The following TTC34 variants were observed in gnomAD, a reference collection of about 807,000 sequenced individuals.
The protein encoded by TTC34 is tetratricopeptide repeat protein 34.
In TTC34, 44 loss-of-function variants were observed where a neutral mutation model predicts 40.7. The observed-to-expected ratio is 1.08, with a 90% confidence interval of 0.85 to 1.39. The LOEUF (loss-of-function observed/expected upper bound fraction) is 1.39, where lower values mean the gene tolerates loss of function less well. Among genes scored for constraint, TTC34 ranks in the 40% most tolerant of loss-of-function variants. The probability of loss-of-function intolerance (pLI) is 0.00; values close to 1 mark genes in which losing one functional copy is unlikely to be tolerated. For missense variants in TTC34, 884 were observed against 838.0 expected (o/e 1.05, Z -0.68); for synonymous variants, 422 against 398.6 (o/e 1.06, Z -0.70).
At chr1:2,688,619 G>A (rs370939632) in intron 6 of TTC34, among the ~76,000 whole-genome samples, 2 of 127,926 alleles carry the variant, frequency 1.6e-5, no homozygotes, top group South Asian at 2.5e-4. Context: ...ACCCCCAGGT[G>A]CGCATCTGAT....
At chr1:2,673,821 T>C (rs749144793) in intron 6 of TTC34, among the ~76,000 whole-genome samples, 2 of 28,502 alleles carry the variant, frequency 7.0e-5, no homozygotes, top group Non-Finnish European at 1.5e-4. Flanking sequence ...TCGGAGAGTC[T>C]GGAGCAGCAC....
intron 5 of TTC34, among the ~76,000 whole-genome samples, chr1:2,785,168 C>A (rs1244151542): frequency 6.6e-6 from 1 of 152,214 alleles, no homozygotes; most frequent in East Asian, 1.9e-4. Context: ...TCACTAAGTG[C>A]ATGGCCAGGT....
At chr1:2,749,719 G>A (rs1318989380) in intron 6 of TTC34, among the ~76,000 whole-genome samples, 1 of 17,566 alleles carries the variant, frequency 5.7e-5, no homozygotes, top group Non-Finnish European at 1.1e-4. Flanking sequence ...GGAACAGCAC[G>A]CACAACCCCA....
chr1:2,749,305 C>T lies in TTC34; in HGVS notation c.2226+34304G>A, dbSNP rs1194079599. On this transcript the variant is annotated intron_variant, in intron 6 of 8. Coordinates refer to ENST00000401095, the Ensembl canonical transcript of TTC34. ...AAACCACAGGTGAGCATCGGAGAGTCTGGAACAGAACCCACACCCACAGGT... is the reference window on the plus strand; with the variant it reads ...AAACCACAGGTGAGCATCGGAGAGTTTGGAACAGAACCCACACCCACAGGT... 5.2e-5 allele frequency among the ~76,000 whole-genome samples: 4 copies of T among 76,592 alleles called. 1 individual carries two copies. The highest frequency in any genetic ancestry group is 2.0e-4 in the African/African-American group (2 of 9,834). 50.2% of individuals were successfully genotyped at this position (76,592 alleles called of 152,430 possible).
intron 6 of TTC34, among the ~76,000 whole-genome samples, chr1:2,759,638 C>T (rs1641626349): frequency 1.3e-5 from 2 of 151,478 alleles, no homozygotes; most frequent in South Asian, 2.1e-4. Context: ...AGCACCCACA[C>T]CCCCAGGTGA....
At chr1:2,786,400 T>A (rs949133344) in intron 4 of TTC34, among the ~76,000 whole-genome samples, 1 of 152,160 alleles carries the variant, frequency 6.6e-6, no homozygotes, top group Non-Finnish European at 1.5e-5. Context: ...TGTCTCCCCA[T>A]AGGTGGGGGT....
At chr1:2,756,600 T>C (rs2100448083) in intron 6 of TTC34, among the ~76,000 whole-genome samples, 6 of 151,950 alleles carry the variant, frequency 3.9e-5, no homozygotes, top group South Asian at 2.1e-4. Context: ...CAGGTGAGCA[T>C]CTGACAGCCT....
At chr1:2,779,960 A>C (rs1643454278) in intron 6 of TTC34, among the ~76,000 whole-genome samples, 1 of 152,142 alleles carries the variant, frequency 6.6e-6, no homozygotes. Flanking sequence ...TAAAAATACA[A>C]AAAATTAGCC....
At chr1:2,787,660 C>T in exon 4 of TTC34, 1 of 1,549,596 alleles carries the variant, frequency 6.5e-7, no homozygotes, top group Non-Finnish European at 8.7e-7. Flanking sequence ...TCCTCTGAAT[C>T]CAGCTCCATC....
At chr1:2,657,723 CTGGGTCGGCACCCACACCCT>C (rs1639401967) in intron 6 of TTC34, among the ~76,000 whole-genome samples, 1 of 52,574 alleles carries the variant, frequency 1.9e-5, no homozygotes, top group Non-Finnish European at 4.7e-5. Context: ...ATCTGACAGC[CTGGGTCGGCACCCACACCCT>C]CAGGTGAGCA....
intron 6 of TTC34, among the ~76,000 whole-genome samples, chr1:2,688,158 G>A (rs572116631): frequency 7.4e-3 from 966 of 131,058 alleles, no homozygotes; most frequent in African/African-American, 0.017. Flanking sequence ...GCCTGGAAGG[G>A]CACCCACACC....
chr1:2,798,691 C>A, intron 2 of TTC34, among the ~76,000 whole-genome samples: 1 of 128,512 alleles, frequency 7.8e-6, no homozygotes, highest in Non-Finnish European at 1.7e-5. Context: ...CTCAGCTCCC[C>A]AGCCCCCCAG....
intron 8 of TTC34, among the ~76,000 whole-genome samples, chr1:2,642,880 C>A (rs1463960773): frequency 1.3e-5 from 2 of 152,242 alleles, no homozygotes; most frequent in Admixed American, 6.5e-5. Flanking sequence ...TCCCGCAGGG[C>A]ACAGTGTGGC....
intron 6 of TTC34, among the ~76,000 whole-genome samples, chr1:2,683,253 T>C (rs1453679652): frequency 2.4e-3 from 122 of 51,798 alleles, no homozygotes; most frequent in Middle Eastern, 0.015. Context: ...ATCTGATGGT[T>C]TGCAGCAGCA....
chr1:2,684,613 G>A (rs530192045), intron 6 of TTC34, among the ~76,000 whole-genome samples: 1 of 111,908 alleles, frequency 8.9e-6, no homozygotes, highest in Admixed American at 9.6e-5. Context: ...GTGAGCATCT[G>A]ACCGCATGGA....
chr1:2,757,901 A>T, intron 6 of TTC34, among the ~76,000 whole-genome samples: 1 of 144,006 alleles, frequency 6.9e-6, no homozygotes, highest in South Asian at 2.2e-4. Context: ...AGCCTGGAAC[A>T]GCACCCTGCA....
At chr1:2,754,815 ACACCCC>A (rs1641450823) in intron 6 of TTC34, among the ~76,000 whole-genome samples, 2 of 149,146 alleles carry the variant, frequency 1.3e-5, no homozygotes, top group Non-Finnish European at 3.0e-5. Flanking sequence ...AACAGAAACC[ACACCCC>A]CAGGTGAGCA....
intron 6 of TTC34, among the ~76,000 whole-genome samples, chr1:2,694,592 C>G (rs1193462396): frequency 3.0e-5 from 3 of 101,334 alleles, no homozygotes; most frequent in African/African-American, 1.1e-4. Flanking sequence ...TACCCACACC[C>G]ACAGGCGAGC....
chr1:2,651,836 T>C (rs1639143283), intron 6 of TTC34, among the ~76,000 whole-genome samples: 2 of 149,728 alleles, frequency 1.3e-5, no homozygotes, highest in African/African-American at 4.9e-5. Flanking sequence ...CCTGGAACGG[T>C]ACCACCAATT....
Sources: allele counts gnomAD v4.1 joint callset (sites outside exome capture counted in the v4.1 genomes callset), GRCh38; gene constraint gnomAD v4.1.1; transcripts MANE v1.5; gene names NCBI Gene and HGNC (gene_info 2026-07-23, HGNC 2026-07-21).